Variants in AKAP13 observed in about 807,000 individuals in gnomAD.
AKAP13 encodes A-kinase anchoring protein 13.
A neutral mutation model predicts 264.5 loss-of-function variants in AKAP13; 80 were observed. The ratio of observed to expected loss-of-function variants is 0.30; its 90% CI spans 0.25 to 0.36. The LOEUF is 0.36. Ranked by LOEUF, AKAP13 falls within the 10% of genes least tolerant of loss-of-function variation. The pLI is 1.00. For missense variants in AKAP13, 3,712 were observed against 3,435.2 expected, an observed-to-expected ratio of 1.08 and a Z score of -2.01; for synonymous variants, 1,380 against 1,250.2, an observed-to-expected ratio of 1.10 and a Z score of -2.19.
At chr15:85,528,424 C>A (rs2077149761) in intron 3 of AKAP13, among the ~76,000 whole-genome samples, 1 of 152,090 alleles carries the variant, frequency 6.6e-6, no homozygotes, top group Non-Finnish European at 1.5e-5. Flanking sequence ...GATCTGTTTT[C>A]CTTGAGTTTC....
intron 5 of AKAP13, among the ~76,000 whole-genome samples, chr15:85,565,522 C>T (rs1382855904): frequency 6.6e-6 from 1 of 152,174 alleles, no homozygotes; most frequent in Admixed American, 6.5e-5. Flanking sequence ...CTCTTTATGG[C>T]AGAAACACAA....
In AKAP13 at chr15:85,579,194, G is replaced by T; in HGVS notation, c.1126G>T (p.Val376Leu). The change falls in exon 7 of 37, where the codon GTG (valine) becomes TTG (leucine). Residue 376 changes from valine to leucine, a missense_variant. Physicochemically the swap from Val to Leu is conservative, Grantham distance 32. This residue lies in a region of AKAP13 where 2,759 missense variants were observed against 2,411.7 expected (regional missense o/e 1.14). Coordinates refer to ENST00000394518, the MANE Select transcript of AKAP13 (RefSeq NM_007200.5). ...TTCCTGTAGGAAGAAAAATAAAGGC[G>T]TGGAAAGAAAAGGGGAAGAGGTGGA... ...DRSCRKKNKG[V>L]ERKGEEVEPA... is the part of the protein sequence containing the mutation. The T allele has an allele frequency of 6.2e-7, 1 of 1,614,216 alleles. No individual in the cohort carries two copies. The highest frequency in any genetic ancestry group is 8.5e-7 in the Non-Finnish European group (1 of 1,180,040).
rs187835795 is a variant in AKAP13, at chr15:85,703,414, T to C, written c.5465-4605T>C. Among the ~76,000 whole-genome samples the C allele has an allele frequency of 3.9e-5, 6 of 152,362 alleles. 1 individual carries two copies. In the East Asian group the frequency reaches 1.2e-3, roughly 29 times the overall value. ...GCTACTTCAGCTGAGATGATTTGGC[T>C]CTTTTTTGTGGCTTTCTTCTTGTTC... On this transcript the variant is annotated intron_variant, in intron 17 of 36. Coordinates refer to ENST00000394518, the MANE Select transcript of AKAP13 (RefSeq NM_007200.5).
intron 8 of AKAP13, among the ~76,000 whole-genome samples, chr15:85,638,637 G>A (rs771589788): frequency 6.6e-6 from 1 of 152,144 alleles, no homozygotes; most frequent in Non-Finnish European, 1.5e-5. Flanking sequence ...GTTGGGAGGT[G>A]TAAAGGCAAT....
At chr15:85,568,161 A>T (rs1262509186) in intron 5 of AKAP13, among the ~76,000 whole-genome samples, 2 of 152,010 alleles carry the variant, frequency 1.3e-5, no homozygotes, top group African/African-American at 4.8e-5. Flanking sequence ...ATTAGCTCGT[A>T]TGGTGGTGCG....
intron 8 of AKAP13, among the ~76,000 whole-genome samples, chr15:85,628,931 G>A (rs945145721): frequency 7.2e-5 from 11 of 152,054 alleles, no homozygotes; most frequent in East Asian, 1.9e-4. Context: ...AGTGGCTCGC[G>A]GCTGCAATCC....
At chr15:85,512,661 C>G (rs949812735) in intron 2 of AKAP13, among the ~76,000 whole-genome samples, 10 of 152,172 alleles carry the variant, frequency 6.6e-5, no homozygotes, top group Admixed American at 1.3e-4. Flanking sequence ...ACAGCTTTCT[C>G]ATCTCTAAAA....
At chr15:85,538,039 G>A (rs1430227209) in intron 4 of AKAP13, among the ~76,000 whole-genome samples, 2 of 152,148 alleles carry the variant, frequency 1.3e-5, no homozygotes, top group Non-Finnish European at 2.9e-5. Flanking sequence ...GAATGGTGGG[G>A]TAAGGACATT....
intron 8 of AKAP13, among the ~76,000 whole-genome samples, chr15:85,624,983 T>A (rs1175834162): frequency 6.6e-6 from 1 of 152,182 alleles, no homozygotes; most frequent in African/African-American, 2.4e-5. Context: ...GAAGTTTGGA[T>A]GTTGAATACC....
At chr15:85,460,642 G>C (rs1052827514) in intron 1 of AKAP13, among the ~76,000 whole-genome samples, 1 of 152,182 alleles carries the variant, frequency 6.6e-6, no homozygotes, top group South Asian at 2.1e-4. Flanking sequence ...GATCATCTTG[G>C]ATTACCCAGA....
rs192401100 is a variant in AKAP13, at chr15:85,659,825, G to A, written c.4799+1235G>A. Among the ~76,000 whole-genome samples, 333 of 152,204 alleles carry A rather than the reference G, an allele frequency of 2.2e-3. 3 individuals are homozygous for A. The highest frequency in any genetic ancestry group is 7.4e-3 in the African/African-American group (308 of 41,542). On this transcript the variant is annotated intron_variant, in intron 12 of 36. Coordinates refer to ENST00000394518, the MANE Select transcript of AKAP13 (RefSeq NM_007200.5). ...GTATAATTTAAAATTTTATAAAATTGAAACATTACAACAGGTATTATAAGG... is the reference window on the plus strand; with the variant it reads ...GTATAATTTAAAATTTTATAAAATTAAAACATTACAACAGGTATTATAAGG...
intron 35 of AKAP13, among the ~76,000 whole-genome samples, chr15:85,742,258 T>C (rs1356576660): frequency 6.6e-6 from 1 of 152,100 alleles, no homozygotes; most frequent in African/African-American, 2.4e-5. Flanking sequence ...CCATCCAGGA[T>C]TTTAGGAGCA....
rs370384525 is a variant in AKAP13, at chr15:85,741,002, C to T, written c.7609-44C>T. The T allele has an allele frequency of 1.3e-4, 208 of 1,558,182 alleles. No individual in the cohort carries two copies. The African/African-American group carries it at 2.0e-3, about 15-fold the overall frequency. ...CGGGAGGGATCCAGAAGCTCGCTGTCGTCCTGGCCAGAGTTGCAGGGCTCC... is the reference window on the plus strand; with the variant it reads ...CGGGAGGGATCCAGAAGCTCGCTGTTGTCCTGGCCAGAGTTGCAGGGCTCC... On this transcript the variant is annotated intron_variant, in intron 34 of 36. Coordinates refer to ENST00000394518, the MANE Select transcript of AKAP13 (RefSeq NM_007200.5).
intron 17 of AKAP13, among the ~76,000 whole-genome samples, chr15:85,698,943 C>CAAA (rs10715702): frequency 1.1e-4 from 8 of 72,842 alleles, no homozygotes; most frequent in Admixed American, 3.5e-4. Context: ...GACCTTGTCT[C>CAAA]AAAAAAAAAA....
At chr15:85,550,041 C>T (rs576991503) in intron 5 of AKAP13, among the ~76,000 whole-genome samples, 10 of 152,074 alleles carry the variant, frequency 6.6e-5, no homozygotes, top group South Asian at 2.1e-4. Context: ...CTTAGCCTCC[C>T]GAGTATCTGG....
At chr15:85,696,712 A>G (rs531572263) in intron 17 of AKAP13, among the ~76,000 whole-genome samples, 5 of 152,318 alleles carry the variant, frequency 3.3e-5, no homozygotes, top group Non-Finnish European at 5.9e-5. Context: ...AATAAAATCT[A>G]TTTTTTAAAA....
chr15:85,630,867 A>G (rs75156308), intron 8 of AKAP13, among the ~76,000 whole-genome samples: 3,177 of 152,326 alleles, frequency 0.021, 42 homozygotes, highest in Non-Finnish European at 0.03. Context: ...CATCTCCTTA[A>G]AGTATTAAAC....
intron 1 of AKAP13, among the ~76,000 whole-genome samples, chr15:85,429,896 T>G: frequency 6.6e-6 from 1 of 152,218 alleles, no homozygotes; most frequent in East Asian, 1.9e-4. Flanking sequence ...CCCTTGCATT[T>G]TCCCCTGCAC....
intron 8 of AKAP13, among the ~76,000 whole-genome samples, chr15:85,625,602 C>T (rs1173220025): frequency 3.3e-5 from 5 of 152,148 alleles, no homozygotes; most frequent in Non-Finnish European, 7.3e-5. Flanking sequence ...CACATCACGC[C>T]TGTAACCCCA....
Sources: gnomAD v4.1 joint callset for allele counts (sites outside exome capture counted in the v4.1 genomes callset) on GRCh38, gnomAD v4.1.1 for gene constraint, gnomAD v4.1.1 regional missense constraint, MANE v1.5 for transcripts, NCBI Gene and HGNC (gene_info 2026-07-23, HGNC 2026-07-21) for gene names.